Variants in GLG1 observed in about 807,000 individuals in gnomAD.
The protein encoded by GLG1 is golgi glycoprotein 1.
Under a neutral mutation model 160.5 loss-of-function variants are expected in GLG1, and 38 were observed. The ratio of observed to expected loss-of-function variants is 0.24; its 90% CI spans 0.18 to 0.31. GLG1 has a LOEUF of 0.31. Ranked by LOEUF, GLG1 falls within the 10% of genes least tolerant of loss-of-function variation. The pLI is 1.00. For missense variants in GLG1, 1,373 were observed against 1,505.2 expected (o/e 0.91, Z 1.45); for synonymous variants, 644 against 543.4 (o/e 1.19, Z -2.57).
Position 74,520,187 on chromosome 16 carries a change from G to A in GLG1, c.472-11262C>T, listed in dbSNP as rs934424127. ...CATTTTCCTGTTTCCATCAGGGACT[G>A]GCTATTTTCTCTGTACATGCATCAT... On this transcript the variant is annotated intron_variant, in intron 2 of 25. Transcript: ENST00000422840. Among the ~76,000 whole-genome samples the A allele has an allele frequency of 3.9e-5, 6 of 152,232 alleles. No homozygotes were observed. In the South Asian group the frequency reaches 1.2e-3, roughly 32 times the overall value.
chr16:74,491,502 A>G (rs1344349517), intron 7 of GLG1, among the ~76,000 whole-genome samples: 2 of 152,180 alleles, frequency 1.3e-5, no homozygotes, highest in Non-Finnish European at 2.9e-5. Flanking sequence ...TAAGATAACT[A>G]TTAGGGTAAA....
At chr16:74,505,983 T>TG (rs1297791752) in intron 3 of GLG1, among the ~76,000 whole-genome samples, 2 of 129,926 alleles carry the variant, frequency 1.5e-5, no homozygotes, top group Non-Finnish European at 3.1e-5. Context: ...TGAGCCAAGA[T>TG]TGCACCACTG....
At chr16:74,510,718 C>G (rs1002893033) in intron 2 of GLG1, among the ~76,000 whole-genome samples, 2 of 152,148 alleles carry the variant, frequency 1.3e-5, no homozygotes, top group African/African-American at 4.8e-5. Flanking sequence ...TGAGTACATA[C>G]TGTGTTCCAG....
intron 7 of GLG1, among the ~76,000 whole-genome samples, chr16:74,491,968 A>AACAAT (rs1183478268): frequency 1.3e-5 from 2 of 151,896 alleles, no homozygotes; most frequent in Non-Finnish European, 2.9e-5. Flanking sequence ...AACAAAACAA[A>AACAAT]ACAAAAACAG....
intron 1 of GLG1, among the ~76,000 whole-genome samples, chr16:74,603,234 A>G (rs1958485372): frequency 6.6e-6 from 1 of 151,902 alleles, no homozygotes; most frequent in African/African-American, 2.4e-5. Flanking sequence ...ACATGGTGAA[A>G]CTCTGTCTCT....
At chr16:74,471,086 G>A in intron 15 of GLG1, 87 bp downstream of exon 15, 1 of 804,140 alleles carries the variant, frequency 1.2e-6, no homozygotes, top group South Asian at 1.4e-5. Flanking sequence ...CAGAACATCA[G>A]AGGTGCTCTG....
At position 74,508,774 on chromosome 16, in the gene GLG1, A is replaced by C. The variant is rs16958608; in HGVS notation, c.558+65T>G. The C allele has an allele frequency of 3.7e-3, 2,751 of 736,860 alleles. 49 individuals are homozygous for C. The African/African-American group carries it at 0.042, about 11-fold the overall frequency. 45.6% of individuals were successfully genotyped at this position (736,860 alleles called of 1,614,324 possible). A position where few individuals can be genotyped will look rare whatever the true frequency, so the allele number is the denominator to read the frequency against. ...ATGTAACTGAGTCATTCTTCTCATA[A>C]GGGCTGGTCTGGTAATTTTCTCCTC... is the stretch of plus-strand genomic sequence containing the variant. On this transcript the variant is annotated intron_variant, in intron 3 of 25. Transcript: ENST00000422840.
intron 1 of GLG1, among the ~76,000 whole-genome samples, chr16:74,573,663 C>T (rs2018903181): frequency 6.7e-6 from 1 of 148,972 alleles, no homozygotes; most frequent in Admixed American, 6.7e-5. Flanking sequence ...TCAGCTTCCC[C>T]AGTAGCTGGG....
chr16:74,456,381 C>T (rs1456155926), intron 25 of GLG1, among the ~76,000 whole-genome samples: 1 of 152,198 alleles, frequency 6.6e-6, no homozygotes, highest in East Asian at 1.9e-4. Context: ...AGGTTGGTCT[C>T]GATCTCCTGA....
At chr16:74,508,801 A>T in intron 3 of GLG1, 38 bp downstream of exon 3, 1 of 837,490 alleles carries the variant, frequency 1.2e-6, no homozygotes. Flanking sequence ...TTTCTCCTCT[A>T]AGCCATTAGT....
In GLG1 at chr16:74,449,432, T is replaced by C. The variant is rs1288389230; in HGVS notation, c.*3735A>G. 1 of 152,206 alleles carries C rather than the reference T, an allele frequency of 6.6e-6. No homozygotes were observed. The highest frequency in any genetic ancestry group is 1.5e-5 in the Non-Finnish European group (1 of 68,052). 9.4% of individuals were successfully genotyped at this position (152,206 alleles called of 1,614,324 possible). A position where few individuals can be genotyped will look rare whatever the true frequency, so the allele number is the denominator to read the frequency against. The stretch of plus-strand genomic sequence containing the variant: ...AGGCCAAGGGAAGTCAGCCACATAA[T>C]TCCCTTTCCAGTGTGCCTTGATAAA... On this transcript the variant is annotated 3_prime_UTR_variant, in exon 26 of 26. Coordinates refer to ENST00000422840, the MANE Select transcript of GLG1 (RefSeq NM_001145667.2).
chr16:74,493,041 G>C lies in GLG1; in HGVS notation c.1150C>G (p.Arg384Gly). The C allele has an allele frequency of 6.2e-7, 1 of 1,613,574 alleles. No individual in the cohort carries two copies. The highest frequency in any genetic ancestry group is 8.5e-7 in the Non-Finnish European group (1 of 1,179,616). The change falls in exon 7 of 26, where the codon CGG becomes GGG. Residue 384 changes from arginine to glycine, a missense_variant. Around this residue, in one of 4 missense-constraint regions of GLG1, gnomAD observed 386 missense variants for 388.5 expected, o/e 0.99. Coordinates refer to ENST00000422840, the MANE Select transcript of GLG1 (RefSeq NM_001145667.2). ...KSCKSDLKKY[R>G]CNVENLPRSR... is the part of the protein sequence containing the mutation. ...CGCGGAAGGTTTTCCACATTGCACC[G>C]GTATTTCTTCAAGTCACTTTTACAG...
chr16:74,541,404 G>A (rs1310463222), intron 1 of GLG1, among the ~76,000 whole-genome samples: 7 of 150,886 alleles, frequency 4.6e-5, no homozygotes, highest in Non-Finnish European at 8.8e-5. Flanking sequence ...ACAAGATAAC[G>A]GATCCCCTCA....
chr16:74,564,391 G>C (rs1032968083), intron 1 of GLG1, among the ~76,000 whole-genome samples: 2 of 152,152 alleles, frequency 1.3e-5, no homozygotes, highest in African/African-American at 4.8e-5. Context: ...TGGCTAAGGA[G>C]CATACTCCAA....
chr16:74,477,977 AAAATAAAT>A (rs140504819), intron 11 of GLG1, among the ~76,000 whole-genome samples: 18 of 140,198 alleles, frequency 1.3e-4, no homozygotes, highest in African/African-American at 3.6e-4. Flanking sequence ...CCGTCTCAAA[AAAATAAAT>A]AAATAAATAA....
Position 74,607,101 on chromosome 16 carries a change from T to C in GLG1, c.-7A>G. ...CACGTCCACACGCCGCCATCTTGAG[T>C]CCGCGGCGAGCTCGACGCACTCGCC... is the stretch of plus-strand genomic sequence containing the variant. On this transcript the variant is annotated 5_prime_UTR_variant, in exon 1 of 26. Coordinates refer to ENST00000422840, the MANE Select transcript of GLG1 (RefSeq NM_001145667.2). 6.6e-7 allele frequency: 1 copy of C among 1,523,006 alleles called. No homozygotes were observed. Among genetic ancestry groups the C allele is most frequent in the Non-Finnish European group, 8.8e-7 (1 of 1,133,380 alleles). The allele number at this position is 1,523,006 out of a possible 1,614,324, so 94.3% of individuals were successfully genotyped here.
intron 3 of GLG1, among the ~76,000 whole-genome samples, chr16:74,506,134 G>T (rs574134207): frequency 1.4e-5 from 2 of 140,644 alleles, no homozygotes; most frequent in South Asian, 4.6e-4. Context: ...TTTGAAAAGT[G>T]AAAGGAGGAA....
At chr16:74,601,869 G>C (rs1028710791) in intron 1 of GLG1, among the ~76,000 whole-genome samples, 1 of 152,094 alleles carries the variant, frequency 6.6e-6, no homozygotes, top group East Asian at 1.9e-4. Flanking sequence ...GAAAGAGTAT[G>C]GTCTTTTAAG....
At chr16:74,485,398 C>T (rs1325151935) in intron 9 of GLG1, among the ~76,000 whole-genome samples, 1 of 152,078 alleles carries the variant, frequency 6.6e-6, no homozygotes, top group Non-Finnish European at 1.5e-5. Context: ...CTGATGATTA[C>T]CAGGTAGTCA....
Sources: gnomAD v4.1 joint callset for allele counts (sites outside exome capture counted in the v4.1 genomes callset) on GRCh38, gnomAD v4.1.1 for gene constraint, gnomAD v4.1.1 regional missense constraint, MANE v1.5 for transcripts, NCBI Gene and HGNC (gene_info 2026-07-23, HGNC 2026-07-21) for gene names.